The following TRHDE variants were observed in gnomAD, a reference collection of about 807,000 sequenced individuals.
TRHDE encodes thyrotropin releasing hormone degrading enzyme, also known as thyrotropin-releasing hormone-degrading ectoenzyme.
Under a neutral mutation model 125.7 loss-of-function variants are expected in TRHDE, and 72 were observed. That is an observed-to-expected ratio of 0.57 (90% CI 0.47 to 0.70). The LOEUF (loss-of-function observed/expected upper bound fraction) is 0.70, where lower values mean the gene tolerates loss of function less well. TRHDE is among the 30% of genes least tolerant of loss of function. TRHDE has a pLI of 0.00. For synonymous variants in TRHDE, 509 were observed against 509.1 expected (o/e 1.00, Z 0.00); for missense variants, 1,110 against 1,327.1 (o/e 0.84, Z 2.54).
At chr12:72,350,246 C>T (rs995864230) in intron 2 of TRHDE, among the ~76,000 whole-genome samples, 13 of 151,912 alleles carry the variant, frequency 8.6e-5, no homozygotes, top group Admixed American at 7.2e-4. Context: ...GAGACAGAGA[C>T]GATTGGCACA....
At chr12:72,630,717 G>A (rs1432507696) in intron 15 of TRHDE, among the ~76,000 whole-genome samples, 4 of 151,074 alleles carry the variant, frequency 2.6e-5, no homozygotes, top group Non-Finnish European at 5.9e-5. Context: ...AAGAAAAGGA[G>A]GAATAAAAAT....
chr12:72,347,973 A>T (rs878998541), intron 2 of TRHDE, among the ~76,000 whole-genome samples: 3 of 152,050 alleles, frequency 2.0e-5, no homozygotes, highest in Admixed American at 2.0e-4. Context: ...GGGCCCGCTT[A>T]GAAAGGCTAC....
At chr12:72,356,768 G>T (rs529288912) in intron 2 of TRHDE, among the ~76,000 whole-genome samples, 1 of 151,510 alleles carries the variant, frequency 6.6e-6, no homozygotes, top group South Asian at 2.1e-4. Flanking sequence ...GAGGTAGAGG[G>T]AGAGGTCAAG....
chr12:72,597,947 T>C (rs919114608), intron 12 of TRHDE, among the ~76,000 whole-genome samples: 6 of 151,546 alleles, frequency 4.0e-5, no homozygotes, highest in African/African-American at 1.5e-4. Flanking sequence ...TGCAATCCTT[T>C]TTTTATTAAA....
intron 2 of TRHDE, among the ~76,000 whole-genome samples, chr12:72,169,457 G>A (rs1207932817): frequency 1.3e-5 from 2 of 152,154 alleles, no homozygotes; most frequent in Non-Finnish European, 2.9e-5. Context: ...GGTGCTGTCA[G>A]AGTTGATTTC....
At chr12:72,520,647 C>T (rs976395872) in intron 6 of TRHDE, among the ~76,000 whole-genome samples, 12 of 152,106 alleles carry the variant, frequency 7.9e-5, no homozygotes, top group African/African-American at 2.4e-4. Flanking sequence ...TGTTCCTATT[C>T]GGCCATCTTC....
At chr12:72,371,694 A>T (rs182784182) in intron 2 of TRHDE, among the ~76,000 whole-genome samples, 1 of 152,028 alleles carries the variant, frequency 6.6e-6, no homozygotes, top group African/African-American at 2.4e-5. Context: ...TTCCAGTTTC[A>T]TCCATGTCCC....
At chr12:72,528,912 G>A (rs2135972036) in intron 6 of TRHDE, among the ~76,000 whole-genome samples, 1 of 151,994 alleles carries the variant, frequency 6.6e-6, no homozygotes, top group Non-Finnish European at 1.5e-5. Context: ...CCATTGCTTT[G>A]CTAATACCTT....
Position 72,489,670 on chromosome 12 carries a change from A to T in TRHDE, c.1585-9828A>T, listed in dbSNP as rs143450436. Among the ~76,000 whole-genome samples, 20 of 152,070 alleles carry T rather than the reference A, an allele frequency of 1.3e-4. No individual in the cohort carries two copies. The East Asian group carries it at 3.3e-3, about 25-fold the overall frequency. ...CACATAGACCAGTGGAAAAGAATACAGAGTCCAGAAATAAATCCAAATATA... is the reference window on the plus strand; with the variant it reads ...CACATAGACCAGTGGAAAAGAATACTGAGTCCAGAAATAAATCCAAATATA... On this transcript the variant is annotated intron_variant, in intron 5 of 18. Transcript: ENST00000261180.
chr12:72,275,119 C>T (rs1423640005), intron 1 of TRHDE, among the ~76,000 whole-genome samples: 1 of 152,168 alleles, frequency 6.6e-6, no homozygotes, highest in East Asian at 1.9e-4. Flanking sequence ...CTCGGAGAAG[C>T]CCAGGGCCCT....
chr12:72,155,049 G>A (rs544948850), intron 2 of TRHDE, among the ~76,000 whole-genome samples: 101 of 152,196 alleles, frequency 6.6e-4, no homozygotes, highest in African/African-American at 2.3e-3. Flanking sequence ...CGTAGATTTG[G>A]TCTTTTCACA....
chr12:72,567,450 T>A (rs1870502602), intron 9 of TRHDE, among the ~76,000 whole-genome samples: 1 of 151,956 alleles, frequency 6.6e-6, no homozygotes, highest in African/African-American at 2.4e-5. Flanking sequence ...TCTTTACTAT[T>A]ACTGAATTCT....
At chr12:72,414,304 G>A (rs1873638424) in intron 3 of TRHDE, among the ~76,000 whole-genome samples, 1 of 152,004 alleles carries the variant, frequency 6.6e-6, no homozygotes, top group Middle Eastern at 3.2e-3. Flanking sequence ...CAGAGCCCAG[G>A]AACACCTTTG....
intron 3 of TRHDE, among the ~76,000 whole-genome samples, chr12:72,397,832 A>G (rs1395864706): frequency 6.6e-6 from 1 of 152,104 alleles, no homozygotes; most frequent in Middle Eastern, 3.4e-3. Flanking sequence ...TAATTAATTT[A>G]TTTATTTATT....
At chr12:72,594,365 G>A (rs942112795) in intron 12 of TRHDE, among the ~76,000 whole-genome samples, 14 of 151,580 alleles carry the variant, frequency 9.2e-5, no homozygotes, top group Non-Finnish European at 1.8e-4. Flanking sequence ...GAGAAACCCC[G>A]TCTCCACCAT....
intron 2 of TRHDE, among the ~76,000 whole-genome samples, chr12:72,299,398 G>A (rs980514847): frequency 6.6e-6 from 1 of 152,128 alleles, no homozygotes; most frequent in African/African-American, 2.4e-5. Flanking sequence ...AGATGCTGTT[G>A]TTTTCTCATT....
chr12:72,145,926 TAG>T (rs1022018252), intron 2 of TRHDE, among the ~76,000 whole-genome samples: 10 of 152,300 alleles, frequency 6.6e-5, no homozygotes, highest in African/African-American at 2.2e-4. Context: ...GGAGTTGAAG[TAG>T]AGATTCCTAA....
intron 12 of TRHDE, among the ~76,000 whole-genome samples, chr12:72,597,713 G>GCATA (rs1872015879): frequency 1.1e-4 from 2 of 18,484 alleles, no homozygotes; most frequent in Non-Finnish European, 9.1e-5. Flanking sequence ...GTGTGTGTAT[G>GCATA]TATATATATA....
chr12:72,346,591 A>G (rs893748872), intron 2 of TRHDE, among the ~76,000 whole-genome samples: 1 of 152,000 alleles, frequency 6.6e-6, no homozygotes, highest in Non-Finnish European at 1.5e-5. Flanking sequence ...AAGGCACCCT[A>G]TGTACTACTG....
Sources: gnomAD v4.1 joint callset for allele counts (sites outside exome capture counted in the v4.1 genomes callset) on GRCh38, gnomAD v4.1.1 for gene constraint, MANE v1.5 for transcripts, NCBI Gene and HGNC (gene_info 2026-07-23, HGNC 2026-07-21) for gene names.